PHLPP1: variants seen among roughly 807,000 people sequenced by gnomAD.
PHLPP1 encodes the protein PH domain and leucine rich repeat protein phosphatase 1.
Under a neutral mutation model 117.2 loss-of-function variants are expected in PHLPP1, and 42 were observed. The ratio of observed to expected loss-of-function variants is 0.36; its 90% CI spans 0.28 to 0.46. The LOEUF (loss-of-function observed/expected upper bound fraction) is 0.46, where lower values mean the gene tolerates loss of function less well. PHLPP1 is among the 20% of genes least tolerant of loss of function. The probability of loss-of-function intolerance (pLI) is 1.00; values close to 1 mark genes in which losing one functional copy is unlikely to be tolerated. For synonymous variants in PHLPP1, 1,042 were observed against 970.7 expected (o/e 1.07, Z -1.37); for missense variants, 2,084 against 2,241.9 (o/e 0.93, Z 1.42).
intron 1 of PHLPP1, among the ~76,000 whole-genome samples, chr18:62,764,415 T>C (rs190605277): frequency 2.0e-4 from 30 of 152,128 alleles, no homozygotes; most frequent in Non-Finnish European, 4.4e-4. Flanking sequence ...CCTATGGTTC[T>C]TGGGGATGAA....
At chr18:62,916,605 GGTGTGTGTGTGTGT>G (rs71340133) in intron 9 of PHLPP1, among the ~76,000 whole-genome samples, 1 of 145,768 alleles carries the variant, frequency 6.9e-6, no homozygotes, top group Non-Finnish European at 1.5e-5. Flanking sequence ...CAAGAGGGTG[GGTGTGTGTGTGTGT>G]GTGTGTGTGT....
chr18:62,765,734 G>T (rs1309116268), intron 1 of PHLPP1, among the ~76,000 whole-genome samples: 2 of 152,054 alleles, frequency 1.3e-5, no homozygotes, highest in Non-Finnish European at 1.5e-5. Context: ...AGTGGCTCAC[G>T]CCTGTAATCC....
At chr18:62,875,143 A>T (rs1916016049) in intron 4 of PHLPP1, among the ~76,000 whole-genome samples, 1 of 152,026 alleles carries the variant, frequency 6.6e-6, no homozygotes, top group African/African-American at 2.4e-5. Flanking sequence ...TTTAGTAGAG[A>T]TGGAGTTTCA....
chr18:62,822,271 T>TTTTG (rs1568128012), intron 1 of PHLPP1, among the ~76,000 whole-genome samples: 27 of 144,566 alleles, frequency 1.9e-4, no homozygotes, highest in Non-Finnish European at 3.5e-4. Flanking sequence ...TAGTGTTTTT[T>TTTTG]TTTTTTTTGT....
At chr18:62,960,540 A>G (rs1472764868) in intron 13 of PHLPP1, among the ~76,000 whole-genome samples, 2 of 152,224 alleles carry the variant, frequency 1.3e-5, no homozygotes, top group Admixed American at 1.3e-4. Context: ...TTACTAGAAA[A>G]TGTTCTTATA....
At chr18:62,912,256 A>C (rs1916973558) in intron 8 of PHLPP1, among the ~76,000 whole-genome samples, 1 of 150,744 alleles carries the variant, frequency 6.6e-6, no homozygotes. Context: ...TACATATGTA[A>C]CTAACCTGCA....
chr18:62,935,334 G>A (rs753909467), intron 10 of PHLPP1, among the ~76,000 whole-genome samples: 78 of 152,146 alleles, frequency 5.1e-4, no homozygotes, highest in Non-Finnish European at 7.4e-4. Flanking sequence ...TGCAAAAACT[G>A]TATGAATAAA....
intron 1 of PHLPP1, among the ~76,000 whole-genome samples, chr18:62,808,178 A>G (rs1000833196): frequency 6.6e-6 from 1 of 152,202 alleles, no homozygotes; most frequent in Admixed American, 6.5e-5. Flanking sequence ...AAGACACTCA[A>G]TGAATGGAAT....
At chr18:62,756,944 C>T (rs2144242485) in intron 1 of PHLPP1, among the ~76,000 whole-genome samples, 1 of 152,274 alleles carries the variant, frequency 6.6e-6, no homozygotes, top group East Asian at 1.9e-4. Context: ...GTCTGCCATA[C>T]TCACTGCGGT....
chr18:62,941,891 A>G lies in PHLPP1; in HGVS notation c.3134A>G (p.Tyr1045Cys), dbSNP rs1208149441. ...CATTTGAAGATCCTTCACATGGCCT[A>G]TAACCGACTTCAGAGTTTTCCAGCA... is the stretch of plus-strand genomic sequence containing the variant. Reference protein sequence around the residue: ...HPHLKILHMAYNRLQSFPASK... With the variant: ...HPHLKILHMACNRLQSFPASK... Residue 1045 changes from tyrosine to cysteine, a missense_variant, in exon 11 of 17, where the codon TAT becomes TGT. Physicochemically the swap from Tyr to Cys is radical, Grantham distance 194. Coordinates refer to ENST00000262719, the MANE Select transcript of PHLPP1 (RefSeq NM_194449.4). 1.1e-5 allele frequency: 18 copies of G among 1,613,748 alleles called. No homozygotes were observed. Among genetic ancestry groups the G allele is most frequent in the South Asian group, 8.8e-5 (8 of 91,074 alleles).
intron 4 of PHLPP1, among the ~76,000 whole-genome samples, chr18:62,868,234 A>C (rs1599092627): frequency 6.6e-6 from 1 of 152,230 alleles, no homozygotes; most frequent in African/African-American, 2.4e-5. Flanking sequence ...GAATTAAACA[A>C]TACTACAGAT....
chr18:62,733,739 A>G (rs149631364), intron 1 of PHLPP1, among the ~76,000 whole-genome samples: 34 of 152,340 alleles, frequency 2.2e-4, no homozygotes, highest in African/African-American at 7.2e-4. Flanking sequence ...CTGTAGTAGC[A>G]GGAATGGGGA....
intron 1 of PHLPP1, among the ~76,000 whole-genome samples, chr18:62,791,397 A>G (rs564681836): frequency 3.8e-4 from 58 of 152,320 alleles, no homozygotes; most frequent in African/African-American, 1.1e-3. Flanking sequence ...GCTTATTTCA[A>G]TATAATTTTA....
rs1187277547 is a variant in PHLPP1 at position 62,716,882 on chromosome 18, C to A, written c.1199C>A (p.Pro400His). 9 of 1,525,698 alleles carry A rather than the reference C, an allele frequency of 5.9e-6. No individual in the cohort carries two copies. The highest frequency in any genetic ancestry group is 7.9e-6 in the Non-Finnish European group (9 of 1,142,436). The allele number at this position is 1,525,698 out of a possible 1,614,324, so 94.5% of individuals were successfully genotyped here. Residue 400 changes from proline (P) to histidine (H), a missense_variant, in exon 1 of 17, where the codon CCC (proline) becomes CAC (histidine). Transcript: ENST00000262719. This position sits in a 1 kb window ranked among gnomAD's most constrained non-coding sequence, Gnocchi z 5.7. ...VPGQPRRPGH[P>H]AQPLPLPQTA... ...GGCCAGCCCCGCCGTCCCGGCCACC[C>A]CGCGCAGCCCCTCCCGCTTCCCCAG...
Position 62,782,883 on chromosome 18 carries a change from T to C in PHLPP1, c.1577-47152T>C, listed in dbSNP as rs540000933. Among the ~76,000 whole-genome samples, 6 of 152,262 alleles carry C rather than the reference T, an allele frequency of 3.9e-5. No individual in the cohort carries two copies. The South Asian group carries it at 1.2e-3, about 32-fold the overall frequency. The stretch of plus-strand genomic sequence containing the variant: ...GTTTTCGGGGCAAAGCGCTATTTGT[T>C]TTTTGACTTCCAGTGGTCTGTTTTT... On this transcript the variant is annotated intron_variant, in intron 1 of 16. Transcript: ENST00000262719.
chr18:62,884,663 G>A (rs1365911004), intron 4 of PHLPP1, among the ~76,000 whole-genome samples: 1 of 152,134 alleles, frequency 6.6e-6, no homozygotes, highest in African/African-American at 2.4e-5. Context: ...GCCCCACAGA[G>A]GAAAAAACAA....
chr18:62,857,746 G>T (rs1027681541), intron 3 of PHLPP1, among the ~76,000 whole-genome samples: 9 of 152,284 alleles, frequency 5.9e-5, no homozygotes, highest in African/African-American at 2.2e-4. Context: ...TCTTGTAACA[G>T]TTATCATGTA....
At chr18:62,841,008 G>T (rs1285096936) in intron 3 of PHLPP1, among the ~76,000 whole-genome samples, 1 of 152,122 alleles carries the variant, frequency 6.6e-6, no homozygotes, top group Non-Finnish European at 1.5e-5. Context: ...TCCTACCTCA[G>T]TCTCCTGAGT....
At chr18:62,794,124 T>C (rs982616004) in intron 1 of PHLPP1, among the ~76,000 whole-genome samples, 1 of 152,278 alleles carries the variant, frequency 6.6e-6, no homozygotes, top group South Asian at 2.1e-4. Flanking sequence ...AAACTTAAGG[T>C]GAAATGTCAT....
Sources: gnomAD v4.1 joint callset for allele counts (sites outside exome capture counted in the v4.1 genomes callset) on GRCh38, gnomAD v4.1.1 for gene constraint, Gnocchi (gnomAD v3.1) non-coding constraint, MANE v1.5 for transcripts, NCBI Gene and HGNC (gene_info 2026-07-23, HGNC 2026-07-21) for gene names.